Variants in RC3H1 observed in about 807,000 individuals in gnomAD.
RC3H1 encodes the protein ring finger and CCCH-type domains 1.
In RC3H1, 50 loss-of-function variants were observed where a neutral mutation model predicts 138.2. The observed-to-expected ratio is 0.36, with a 90% CI of 0.29 to 0.46. The LOEUF is 0.46. RC3H1 is among the 20% of genes least tolerant of loss of function. The pLI, the probability that RC3H1 is intolerant of heterozygous loss-of-function variation, is 1.00. For synonymous variants in RC3H1, 462 were observed against 489.1 expected (o/e 0.94, Z 0.73); for missense variants, 1,031 against 1,388.1 (o/e 0.74, Z 4.09).
intron 1 of RC3H1, among the ~76,000 whole-genome samples, chr1:174,013,382 C>G (rs183622178): frequency 6.6e-6 from 1 of 151,520 alleles, no homozygotes; most frequent in South Asian, 2.1e-4. Context: ...GCTGGTGAGA[C>G]GGAGGAATTA....
At chr1:173,943,659 C>T in intron 17 of RC3H1, 44 bp from the exon 18 acceptor site, 1 of 1,555,490 alleles carries the variant, frequency 6.4e-7, no homozygotes, top group Non-Finnish European at 8.7e-7. Flanking sequence ...ACACACTTCA[C>T]ACCATGCACA....
chr1:173,947,425 C>T lies in RC3H1; in HGVS notation c.2681G>A (p.Gly894Asp). The change falls in exon 15 of 20, where the codon GGT becomes GAT. Residue 894 changes from glycine to aspartate, a missense_variant. Gly to Asp is a moderately conservative substitution (Grantham distance 94). Around this residue, in one of 7 missense-constraint regions of RC3H1, gnomAD observed 716 missense variants for 837.9 expected, o/e 0.85. Transcript: ENST00000367696. ...RTSKTIYQGA[G>D]PMQAMAPQGA... ...CTGAGGTGCCATAGCCTGCATTGGACCAGCACCCTGATATATAGTTTTGGA... is the reference window on the plus strand; with the variant it reads ...CTGAGGTGCCATAGCCTGCATTGGATCAGCACCCTGATATATAGTTTTGGA... 1 of 1,614,040 alleles carries T rather than the reference C, an allele frequency of 6.2e-7. No individual in the cohort carries two copies.
chr1:173,993,299 T>C (rs993532175), intron 1 of RC3H1, among the ~76,000 whole-genome samples, 164 bp from the exon 2 acceptor site: 1 of 145,990 alleles, frequency 6.8e-6, no homozygotes, highest in Non-Finnish European at 1.5e-5. Context: ...TGATAGAACA[T>C]CTATTTCCAT....
Position 173,988,002 on chromosome 1 carries a change from A to C in RC3H1, c.232-3383T>G, listed in dbSNP as rs113054241. Among the ~76,000 whole-genome samples the C allele has an allele frequency of 1.3e-3, 193 of 152,330 alleles. 1 individual carries two copies. Among genetic ancestry groups the C allele is most frequent in the Non-Finnish European group, 2.3e-3 (158 of 68,014 alleles). On this transcript the variant is annotated intron_variant, in intron 2 of 19. Coordinates refer to ENST00000367696, the MANE Select transcript of RC3H1 (RefSeq NM_172071.4). Reference sequence around the variant, plus strand: ...TTAATTCGTACCCCCATGGGAAAAGACTAGAGTACACTGCTTATAGATAAT... The same window carrying C: ...TTAATTCGTACCCCCATGGGAAAAGCCTAGAGTACACTGCTTATAGATAAT...
chr1:173,955,857 G>A (rs778734007), intron 13 of RC3H1, among the ~76,000 whole-genome samples: 45 of 152,054 alleles, frequency 3.0e-4, no homozygotes, highest in Non-Finnish European at 1.3e-4. Context: ...CTGGCCAGGC[G>A]CAGTGGCTCA....
At chr1:173,963,896 T>A in intron 11 of RC3H1, 77 bp downstream of exon 11, 1 of 1,213,524 alleles carries the variant, frequency 8.2e-7, no homozygotes, top group South Asian at 1.3e-5. Flanking sequence ...GGCTACTGTG[T>A]AAATGATCAC....
At chr1:173,959,571 G>T (rs1300324175) in intron 13 of RC3H1, among the ~76,000 whole-genome samples, 1 of 152,104 alleles carries the variant, frequency 6.6e-6, no homozygotes, top group Admixed American at 6.5e-5. Flanking sequence ...AAGAGATCAA[G>T]ACCATCTTGG....
At chr1:174,012,118 G>T (rs979981862) in intron 1 of RC3H1, among the ~76,000 whole-genome samples, 1 of 134,012 alleles carries the variant, frequency 7.5e-6, no homozygotes, top group Non-Finnish European at 1.5e-5. Context: ...GGGATGAGGT[G>T]GCAGGGGTGG....
At chr1:173,949,631 A>G (rs1248807000) in intron 14 of RC3H1, among the ~76,000 whole-genome samples, 1 of 152,136 alleles carries the variant, frequency 6.6e-6, no homozygotes, top group African/African-American at 2.4e-5. Flanking sequence ...GGCCTCTGAA[A>G]GTGCTGGGAT....
Position 173,964,929 on chromosome 1 carries a change from G to A in RC3H1, c.1526C>T (p.Pro509Leu), listed in dbSNP as rs1200190836. 33 of 1,613,830 alleles carry A rather than the reference G, an allele frequency of 2.0e-5. No homozygotes were observed. The highest frequency in any genetic ancestry group is 2.5e-5 in the Non-Finnish European group (30 of 1,179,970). Reference sequence around the variant, plus strand: ...ATCATAGCTGGGGTCTGTCCCTCGCGGAATAAGCTGTGTTACTGTATTCCC... The same window carrying A: ...ATCATAGCTGGGGTCTGTCCCTCGCAGAATAAGCTGTGTTACTGTATTCCC... Reference protein sequence around the residue: ...STGNTVTQLIPRGTDPSYDSS... With the variant: ...STGNTVTQLILRGTDPSYDSS... The change falls in exon 10 of 20, where the codon CCG (proline) becomes CTG (leucine). Residue 509 changes from proline (P) to leucine (L), a missense_variant. Transcript: ENST00000367696.
In RC3H1 at chr1:173,946,299, C is replaced by T. The variant is rs754343788; in HGVS notation, c.2961+177G>A. Among the ~76,000 whole-genome samples, 90 of 151,972 alleles carry T rather than the reference C, an allele frequency of 5.9e-4. 1 individual carries two copies. The highest frequency in any genetic ancestry group is 2.5e-4 in the Non-Finnish European group (17 of 67,962). ...CTATTTTTAGGTAGCAGAAATTTTA[C>T]GTTTTCTGTTGTCCCAGAGCTAAAT... On this transcript the variant is annotated intron_variant, in intron 17 of 19. Transcript: ENST00000367696.
intron 8 of RC3H1, among the ~76,000 whole-genome samples, chr1:173,970,917 G>A (rs1660328869): frequency 6.6e-6 from 1 of 150,430 alleles, no homozygotes; most frequent in African/African-American, 2.4e-5. Context: ...TGTATTATAT[G>A]GAAAAAGAAA....
At chr1:174,015,925 G>C (rs141740086) in intron 1 of RC3H1, 1 of 152,056 alleles carries the variant, frequency 6.6e-6, no homozygotes, top group Admixed American at 6.6e-5. Context: ...GTTCGGCCGG[G>C]TGCAGTGGCT....
chr1:173,977,460 A>C (rs974777728), intron 7 of RC3H1, among the ~76,000 whole-genome samples: 1 of 152,242 alleles, frequency 6.6e-6, no homozygotes, highest in Non-Finnish European at 1.5e-5. Context: ...TTAAACTTAC[A>C]TACCTCAGAG....
In RC3H1 at chr1:173,934,596, G is replaced by C. The variant is rs1658504562; in HGVS notation, c.*4125C>G. On this transcript the variant is annotated 3_prime_UTR_variant, in exon 20 of 20. Coordinates refer to ENST00000367696, the MANE Select transcript of RC3H1 (RefSeq NM_172071.4). ...CTTTGGCTCTCCTTTAAAGAAAACA[G>C]CAGGTTACCATTCTTAACCAGACCT... 1 of 152,086 alleles carries C rather than the reference G, an allele frequency of 6.6e-6. No individual in the cohort carries two copies. The highest frequency in any genetic ancestry group is 1.5e-5 in the Non-Finnish European group (1 of 68,014). The allele number at this position is 152,086 out of a possible 1,614,324, so 9.4% of individuals were successfully genotyped here. A position where few individuals can be genotyped will look rare whatever the true frequency, so the allele number is the denominator to read the frequency against.
intron 1 of RC3H1, among the ~76,000 whole-genome samples, chr1:173,998,075 AATT>A (rs1661497932): frequency 1.3e-5 from 2 of 152,216 alleles, no homozygotes; most frequent in African/African-American, 4.8e-5. Context: ...TATGAAATAA[AATT>A]ATTAATATAC....
intron 2 of RC3H1, among the ~76,000 whole-genome samples, chr1:173,991,189 C>G (rs1326488892): frequency 6.6e-6 from 1 of 152,134 alleles, no homozygotes; most frequent in Non-Finnish European, 1.5e-5. Context: ...AAGATCACAC[C>G]ACTGTACTCC....
intron 7 of RC3H1, among the ~76,000 whole-genome samples, chr1:173,976,598 T>C (rs1487348489): frequency 6.6e-6 from 1 of 152,156 alleles, no homozygotes; most frequent in African/African-American, 2.4e-5. Context: ...TGACTGGAGT[T>C]GAGTTCAAGA....
At chr1:173,969,229 T>G (rs1298325582) in intron 9 of RC3H1, 1 of 151,736 alleles carries the variant, frequency 6.6e-6, no homozygotes, top group Non-Finnish European at 1.5e-5. Context: ...TTCTAAGTTG[T>G]GATAATTATA....
Sources: gnomAD v4.1 joint callset for allele counts (sites outside exome capture counted in the v4.1 genomes callset) on GRCh38, gnomAD v4.1.1 for gene constraint, gnomAD v4.1.1 regional missense constraint, MANE v1.5 for transcripts, NCBI Gene and HGNC (gene_info 2026-07-23, HGNC 2026-07-21) for gene names.